Variants in APP observed in about 807,000 individuals in gnomAD.
The protein encoded by APP is amyloid beta precursor protein, also known as amyloid-beta precursor protein.
A neutral mutation model predicts 101.4 loss-of-function variants in APP; 31 were observed. That is an observed-to-expected ratio of 0.31 (90% confidence interval 0.23 to 0.41). APP has a LOEUF of 0.41. Ranked by LOEUF, APP falls within the 10% of genes least tolerant of loss-of-function variation. APP has a pLI of 1.00. For missense variants in APP, 839 were observed against 1,003.7 expected (o/e 0.84, Z 2.22); for synonymous variants, 366 against 364.4 (o/e 1.00, Z -0.05).
intron 3 of APP, among the ~76,000 whole-genome samples, chr21:26,083,710 G>T (rs1473444482): frequency 6.6e-6 from 1 of 152,074 alleles, no homozygotes; most frequent in Non-Finnish European, 1.5e-5. Context: ...AAATAAGCTG[G>T]GTTTCTTTTT....
intron 1 of APP, among the ~76,000 whole-genome samples, chr21:26,165,810 C>T (rs983422879): frequency 6.6e-6 from 1 of 152,182 alleles, no homozygotes; most frequent in Non-Finnish European, 1.5e-5. Context: ...AGATTTAATA[C>T]ATGTGAACCT....
At chr21:26,097,150 C>G (rs1382632332) in intron 2 of APP, among the ~76,000 whole-genome samples, 1 of 152,200 alleles carries the variant, frequency 6.6e-6, no homozygotes, top group African/African-American at 2.4e-5. Context: ...TAATTCCCAC[C>G]ACATGATGCC....
At chr21:26,094,333 ACTT>A (rs2061894513) in intron 2 of APP, among the ~76,000 whole-genome samples, 2 of 152,086 alleles carry the variant, frequency 1.3e-5, no homozygotes, top group South Asian at 2.1e-4. Flanking sequence ...AGGTAACAAA[ACTT>A]CTTCTGAAGC....
At chr21:26,164,855 C>CAA (rs75432330) in intron 1 of APP, among the ~76,000 whole-genome samples, 16 of 67,304 alleles carry the variant, frequency 2.4e-4, no homozygotes, top group African/African-American at 5.5e-4. Context: ...GATTCTGTCT[C>CAA]AAAAAAAAAA....
At chr21:26,022,373 G>A (rs1452209421) in intron 5 of APP, among the ~76,000 whole-genome samples, 5 of 152,038 alleles carry the variant, frequency 3.3e-5, no homozygotes, top group African/African-American at 9.7e-5. Context: ...GTGGAGTAGA[G>A]AGGATTTTTA....
intron 7 of APP, among the ~76,000 whole-genome samples, chr21:25,999,659 C>A (rs1016215386): frequency 4.6e-5 from 7 of 152,312 alleles, no homozygotes; most frequent in African/African-American, 1.7e-4. Flanking sequence ...CATATGTACA[C>A]GGACAAACAC....
chr21:25,947,964 C>T (rs1189516424), intron 13 of APP, among the ~76,000 whole-genome samples: 1 of 145,102 alleles, frequency 6.9e-6, no homozygotes, highest in African/African-American at 2.6e-5. Flanking sequence ...GAGATCACGC[C>T]ACTGCACTCC....
intron 5 of APP, among the ~76,000 whole-genome samples, chr21:26,042,729 C>T (rs2045429422): frequency 6.8e-6 from 1 of 146,350 alleles, no homozygotes; most frequent in African/African-American, 2.5e-5. Flanking sequence ...TAGTGAGACC[C>T]CTGTCTCTAC....
At chr21:26,026,047 T>C (rs2044556532) in intron 5 of APP, among the ~76,000 whole-genome samples, 1 of 152,258 alleles carries the variant, frequency 6.6e-6, no homozygotes, top group African/African-American at 2.4e-5. Flanking sequence ...CTGGACAGAC[T>C]GTTGTCCTGT....
intron 16 of APP, among the ~76,000 whole-genome samples, chr21:25,894,725 T>G (rs1211149248): frequency 6.6e-6 from 1 of 152,240 alleles, no homozygotes; most frequent in African/African-American, 2.4e-5. Flanking sequence ...GAAGATGCTA[T>G]GAACACTGTT....
intron 13 of APP, among the ~76,000 whole-genome samples, chr21:25,920,473 C>G (rs1164391613): frequency 1.3e-5 from 2 of 152,094 alleles, no homozygotes; most frequent in African/African-American, 2.4e-5. Flanking sequence ...GTGCTGTATT[C>G]AGGAAACCCA....
At chr21:25,902,498 A>G (rs913278494) in intron 15 of APP, among the ~76,000 whole-genome samples, 16 of 146,322 alleles carry the variant, frequency 1.1e-4, no homozygotes, top group Non-Finnish European at 2.2e-4. Flanking sequence ...TCCTCACTTC[A>G]TATCTGAGCA....
chr21:26,170,625 A>T lies in APP; in HGVS notation c.-5T>A. The T allele has an allele frequency of 6.5e-7, 1 of 1,534,370 alleles. No individual in the cohort carries two copies. The highest frequency in any genetic ancestry group is 8.7e-7 in the Non-Finnish European group (1 of 1,144,992). On this transcript the variant is annotated 5_prime_UTR_variant, in exon 1 of 18. Transcript: ENST00000346798. The stretch of plus-strand genomic sequence containing the variant: ...CAGTGCCAAACCGGGCAGCATCGCG[A>T]CCCTGCGCGGGGCACCGAGTGCGCT...
At chr21:25,887,535 A>AC (rs1156909673) in intron 17 of APP, among the ~76,000 whole-genome samples, 7 of 136,828 alleles carry the variant, frequency 5.1e-5, no homozygotes, top group Non-Finnish European at 9.9e-5. Context: ...AAAAAAAAAA[A>AC]AAAAACAACA....
intron 5 of APP, among the ~76,000 whole-genome samples, chr21:26,028,058 T>G (rs1297597509): frequency 2.0e-5 from 3 of 150,330 alleles, no homozygotes; most frequent in Admixed American, 2.0e-4. Flanking sequence ...TAGCTGGACG[T>G]GGGGGTGCAC....
intron 9 of APP, among the ~76,000 whole-genome samples, chr21:25,977,915 C>T (rs1423328205): frequency 6.6e-6 from 1 of 152,180 alleles, no homozygotes; most frequent in East Asian, 1.9e-4. Flanking sequence ...ATTTCAATTT[C>T]CTGCTTTGGG....
intron 5 of APP, among the ~76,000 whole-genome samples, chr21:26,036,999 T>A (rs1235606223): frequency 6.6e-6 from 1 of 152,172 alleles, no homozygotes; most frequent in African/African-American, 2.4e-5. Context: ...TGTGTGTGTG[T>A]CCGTGCGTGC....
At chr21:26,089,232 A>G (rs138146072) in intron 3 of APP, among the ~76,000 whole-genome samples, 2 of 152,230 alleles carry the variant, frequency 1.3e-5, no homozygotes, top group African/African-American at 2.4e-5. Context: ...GACTGGTCAC[A>G]TAAAAACAAC....
intron 8 of APP, among the ~76,000 whole-genome samples, chr21:25,983,131 A>G (rs1036132895): frequency 6.6e-6 from 1 of 152,248 alleles, no homozygotes; most frequent in Non-Finnish European, 1.5e-5. Context: ...AGTGATTTCT[A>G]TTTTGAATTC....
Sources: allele counts gnomAD v4.1 joint callset (sites outside exome capture counted in the v4.1 genomes callset), GRCh38; gene constraint gnomAD v4.1.1; transcripts MANE v1.5; gene names NCBI Gene and HGNC (gene_info 2026-07-23, HGNC 2026-07-21).